The following KLHL32 variants were observed in gnomAD, a reference collection of about 807,000 sequenced individuals.
The protein encoded by KLHL32 is kelch like family member 32.
Under a neutral mutation model 64.8 loss-of-function variants are expected in KLHL32, and 35 were observed. The observed-to-expected ratio is 0.54, with a 90% CI of 0.41 to 0.72. The LOEUF (loss-of-function observed/expected upper bound fraction) is 0.72. KLHL32 is among the 30% of genes least tolerant of loss of function. The probability of loss-of-function intolerance (pLI) is 0.00; values close to 1 mark genes in which losing one functional copy is unlikely to be tolerated. For synonymous variants in KLHL32, 259 were observed against 281.0 expected (o/e 0.92, Z 0.78); for missense variants, 589 against 768.5 (o/e 0.77, Z 2.76).
chr6:97,023,202 T>C (rs765487836), intron 3 of KLHL32, among the ~76,000 whole-genome samples: 16 of 151,026 alleles, frequency 1.1e-4, no homozygotes, highest in Non-Finnish European at 1.8e-4. Context: ...ATACATATAA[T>C]TTAGAAATTG....
the KLHL32 span, among the ~76,000 whole-genome samples, chr6:96,912,353 G>C: frequency 6.6e-6 from 1 of 152,066 alleles, no homozygotes; most frequent in South Asian, 2.1e-4. Flanking sequence ...GATAAACCTT[G>C]CTTCTCAGTT....
intron 3 of KLHL32, among the ~76,000 whole-genome samples, chr6:97,001,805 T>C (rs1187260067): frequency 6.6e-6 from 1 of 152,228 alleles, no homozygotes; most frequent in Non-Finnish European, 1.5e-5. Context: ...TATTTTTAGA[T>C]GGAGAGTAGC....
At chr6:97,049,040 C>T (rs1343410703) in intron 4 of KLHL32, among the ~76,000 whole-genome samples, 2 of 152,210 alleles carry the variant, frequency 1.3e-5, no homozygotes, top group East Asian at 3.9e-4. Flanking sequence ...GTGAAATCCA[C>T]ATTTTAAGGA....
intron 10 of KLHL32, among the ~76,000 whole-genome samples, chr6:97,134,787 T>A (rs1378792875): frequency 6.6e-6 from 1 of 152,186 alleles, no homozygotes; most frequent in Admixed American, 6.5e-5. Context: ...GCTGCCATAG[T>A]GCACATTTTT....
chr6:97,048,155 T>C (rs753435385), intron 4 of KLHL32, among the ~76,000 whole-genome samples: 2 of 152,226 alleles, frequency 1.3e-5, no homozygotes, highest in African/African-American at 2.4e-5. Context: ...AGTGGAGAGA[T>C]AAACTCTGCA....
At chr6:96,985,997 G>A (rs571490195) in intron 3 of KLHL32, among the ~76,000 whole-genome samples, 1 of 152,118 alleles carries the variant, frequency 6.6e-6, no homozygotes, top group African/African-American at 2.4e-5. Context: ...CCCTATCTTT[G>A]TGGATTTATC....
At chr6:97,113,580 A>G (rs1186193912) in intron 6 of KLHL32, among the ~76,000 whole-genome samples, 4 of 152,142 alleles carry the variant, frequency 2.6e-5, no homozygotes, top group Non-Finnish European at 5.9e-5. Flanking sequence ...CCCCTACAGC[A>G]ATGTCTTGAG....
chr6:96,974,028 C>CT (rs1452534308), intron 2 of KLHL32, among the ~76,000 whole-genome samples: 3 of 151,168 alleles, frequency 2.0e-5, no homozygotes, highest in Non-Finnish European at 3.0e-5. Flanking sequence ...GACTTCTTCT[C>CT]TTTTTTTTTC....
chr6:96,981,591 A>G (rs1044743017), intron 3 of KLHL32, among the ~76,000 whole-genome samples: 1 of 151,926 alleles, frequency 6.6e-6, no homozygotes, highest in African/African-American at 2.4e-5. Flanking sequence ...GTCTTTTGTT[A>G]GCTTTGTGAT....
intron 1 of KLHL32, among the ~76,000 whole-genome samples, chr6:96,930,736 G>T (rs1288923231): frequency 6.6e-6 from 1 of 152,062 alleles, no homozygotes; most frequent in East Asian, 1.9e-4. Flanking sequence ...CAGGGAGAGG[G>T]ATGCATAGCT....
In KLHL32 at chr6:97,021,032, A is replaced by G. The variant is rs1003986909; in HGVS notation, c.205-20460A>G. ...GATAATGTATTAGAGTCCTCCAGAG[A>G]AGCAGAACCAATAGGTTGTATATAT... On this transcript the variant is annotated intron_variant, in intron 3 of 10. Transcript: ENST00000369261. Among the ~76,000 whole-genome samples, 3 of 150,900 alleles carry G rather than the reference A, an allele frequency of 2.0e-5. 1 individual carries two copies. The highest frequency in any genetic ancestry group is 2.0e-4 in the Admixed American group (3 of 15,246).
chr6:97,055,098 A>G (rs768738238), intron 4 of KLHL32, among the ~76,000 whole-genome samples: 60 of 152,172 alleles, frequency 3.9e-4, no homozygotes, highest in Non-Finnish European at 7.8e-4. Flanking sequence ...ACAGATACCC[A>G]ATGCCAGGCA....
chr6:97,132,825 AAG>A, intron 10 of KLHL32, 78 bp downstream of exon 10: 1 of 991,984 alleles, frequency 1.0e-6, no homozygotes, highest in South Asian at 1.5e-5. Context: ...CTACTGAAGA[AAG>A]AGATATTTAT....
chr6:97,071,323 C>A (rs1790676588), intron 5 of KLHL32, among the ~76,000 whole-genome samples: 1 of 152,096 alleles, frequency 6.6e-6, no homozygotes, highest in Admixed American at 6.5e-5. Context: ...AGCATTTAAA[C>A]ACCGGGAGCT....
chr6:96,905,239 CAAAGATTATG>C, the KLHL32 span, among the ~76,000 whole-genome samples: 1 of 152,112 alleles, frequency 6.6e-6, no homozygotes, highest in African/African-American at 2.4e-5. Flanking sequence ...ATTTTCATTT[CAAAGATTATG>C]AAAGATTATG....
intron 5 of KLHL32, among the ~76,000 whole-genome samples, chr6:97,076,580 G>A (rs1229562439): frequency 2.0e-5 from 3 of 152,120 alleles, no homozygotes; most frequent in African/African-American, 4.8e-5. Context: ...CCTTGTTCCC[G>A]CAGTTTACCA....
chr6:97,041,654 A>G, intron 4 of KLHL32, 55 bp downstream of exon 4: 1 of 1,029,482 alleles, frequency 9.7e-7, no homozygotes, highest in East Asian at 2.4e-5. Flanking sequence ...ATCTAACCAA[A>G]GGAGATTATC....
chr6:96,923,003 T>A (rs1032751990), upstream of KLHL32, among the ~76,000 whole-genome samples: 2 of 152,198 alleles, frequency 1.3e-5, no homozygotes, highest in Non-Finnish European at 2.9e-5. Context: ...AGTGAGCCGA[T>A]ACTATGTGGC....
chr6:96,922,769 C>T (rs1234226294), upstream of KLHL32, among the ~76,000 whole-genome samples: 2 of 152,118 alleles, frequency 1.3e-5, no homozygotes, highest in Non-Finnish European at 2.9e-5. Flanking sequence ...CTAGTTGCTC[C>T]TCTAGGAGTG....
Sources: gnomAD v4.1 joint callset for allele counts (sites outside exome capture counted in the v4.1 genomes callset) on GRCh38, gnomAD v4.1.1 for gene constraint, MANE v1.5 for transcripts, NCBI Gene and HGNC (gene_info 2026-07-23, HGNC 2026-07-21) for gene names.